Variants in DPYD observed in about 807,000 individuals in gnomAD.
The protein encoded by DPYD is dihydropyrimidine dehydrogenase [NADP(+)].
Under a neutral mutation model 116.2 loss-of-function variants are expected in DPYD, and 109 were observed. That is an observed-to-expected ratio of 0.94 (90% CI 0.80 to 1.10). DPYD has a LOEUF of 1.10. Among genes scored for constraint, DPYD ranks in the 50% least tolerant of loss-of-function variants. The probability of loss-of-function intolerance (pLI) is 0.00; values close to 1 mark genes in which losing one functional copy is unlikely to be tolerated. For missense variants in DPYD, 1,302 were observed against 1,254.5 expected, an observed-to-expected ratio of 1.04 and a Z score of -0.57; for synonymous variants, 440 against 432.0, an observed-to-expected ratio of 1.02 and a Z score of -0.23.
intron 20 of DPYD, among the ~76,000 whole-genome samples, chr1:97,123,358 A>T (rs559269274): frequency 5.3e-5 from 8 of 152,116 alleles, no homozygotes; most frequent in Non-Finnish European, 1.2e-4. Flanking sequence ...TAACTAGTTC[A>T]TTGAGACTTT....
chr1:97,100,352 C>T (rs544429202), intron 20 of DPYD, among the ~76,000 whole-genome samples: 5 of 151,950 alleles, frequency 3.3e-5, no homozygotes, highest in African/African-American at 7.2e-5. Flanking sequence ...CATAAGGTGG[C>T]GAGCACACGT....
At chr1:97,195,905 G>A (rs74104307) in intron 19 of DPYD, among the ~76,000 whole-genome samples, 4,683 of 151,110 alleles carry the variant, frequency 0.031, 235 homozygotes, top group African/African-American at 0.11. Context: ...TGTAACACTC[G>A]GCAATATACC....
chr1:97,559,987 G>C (rs1316218836), intron 11 of DPYD, among the ~76,000 whole-genome samples: 1 of 152,112 alleles, frequency 6.6e-6, no homozygotes, highest in Non-Finnish European at 1.5e-5. Flanking sequence ...ATTGAGATAA[G>C]TTACCAAGGT....
chr1:97,711,510 A>G (rs1662282847), intron 5 of DPYD, among the ~76,000 whole-genome samples: 1 of 151,974 alleles, frequency 6.6e-6, no homozygotes, highest in Non-Finnish European at 1.5e-5. Flanking sequence ...AAAGTCAAAA[A>G]ATCCTAAGTT....
intron 14 of DPYD, among the ~76,000 whole-genome samples, chr1:97,399,562 T>G (rs994003939): frequency 5.9e-5 from 9 of 151,830 alleles, no homozygotes; most frequent in Non-Finnish European, 1.2e-4. Context: ...TCACGATATT[T>G]ATTCTTCCTG....
At chr1:97,200,079 CCT>C (rs765024670) in intron 19 of DPYD, among the ~76,000 whole-genome samples, 4 of 152,056 alleles carry the variant, frequency 2.6e-5, no homozygotes, top group Non-Finnish European at 4.4e-5. Flanking sequence ...GCAGGAACAC[CCT>C]GAGACTGGCA....
intron 19 of DPYD, among the ~76,000 whole-genome samples, chr1:97,206,689 A>ATATATATAT (rs1659654169): frequency 2.3e-5 from 2 of 85,604 alleles, no homozygotes; most frequent in Non-Finnish European, 5.5e-5. Context: ...TATATATATA[A>ATATATATAT]TCTATATGCT....
At chr1:97,116,648 G>T (rs1027421337) in intron 20 of DPYD, among the ~76,000 whole-genome samples, 2 of 151,748 alleles carry the variant, frequency 1.3e-5, no homozygotes, top group Non-Finnish European at 1.5e-5. Flanking sequence ...CCCCAGCCTG[G>T]GCAGCAGAGG....
chr1:97,678,798 T>C (rs1033107496), intron 8 of DPYD, among the ~76,000 whole-genome samples: 2 of 152,150 alleles, frequency 1.3e-5, no homozygotes, highest in African/African-American at 4.8e-5. Context: ...AGATTCTGAG[T>C]TTCTGGTGGT....
intron 8 of DPYD, among the ~76,000 whole-genome samples, chr1:97,658,584 AAATAATAATTAATTACTTC>A: frequency 6.6e-6 from 1 of 152,230 alleles, no homozygotes; most frequent in Non-Finnish European, 1.5e-5. Context: ...ATTTAGACTT[AAATAATAATTAATTACTTC>A]AGCATTTGCC....
At chr1:97,101,988 A>T (rs1650724203) in intron 20 of DPYD, among the ~76,000 whole-genome samples, 1 of 152,046 alleles carries the variant, frequency 6.6e-6, no homozygotes, top group African/African-American at 2.4e-5. Flanking sequence ...CCAGATATAA[A>T]AAAAGCATTA....
chr1:97,230,864 T>C (rs1005324838), intron 19 of DPYD, among the ~76,000 whole-genome samples: 2 of 152,174 alleles, frequency 1.3e-5, no homozygotes, highest in African/African-American at 4.8e-5. Flanking sequence ...GCAAAGGTCT[T>C]GCCCCAGGAC....
At chr1:97,401,751 AATTTTAT>A (rs1305392700) in intron 14 of DPYD, among the ~76,000 whole-genome samples, 3 of 152,026 alleles carry the variant, frequency 2.0e-5, no homozygotes, top group African/African-American at 7.2e-5. Flanking sequence ...ATCTTGTAGG[AATTTTAT>A]ATTTTTGTGC....
At chr1:97,831,118 T>C (rs901895364) in intron 2 of DPYD, among the ~76,000 whole-genome samples, 1 of 152,236 alleles carries the variant, frequency 6.6e-6, no homozygotes, top group Non-Finnish European at 1.5e-5. Flanking sequence ...TACTTCTGTA[T>C]ACAGAAATTG....
At chr1:97,112,749 G>C (rs1173922806) in intron 20 of DPYD, among the ~76,000 whole-genome samples, 5 of 152,068 alleles carry the variant, frequency 3.3e-5, no homozygotes, top group Admixed American at 3.3e-4. Context: ...ACATGAAAAA[G>C]AAATTAAAAC....
At chr1:97,687,883 C>A (rs528145436) in intron 7 of DPYD, among the ~76,000 whole-genome samples, 2 of 152,034 alleles carry the variant, frequency 1.3e-5, no homozygotes, top group Non-Finnish European at 2.9e-5. Context: ...AAATGGAAAA[C>A]CAAACACTGC....
chr1:97,315,795 GT>G (rs1667795170), intron 16 of DPYD, among the ~76,000 whole-genome samples: 2 of 151,910 alleles, frequency 1.3e-5, no homozygotes, highest in Non-Finnish European at 1.5e-5. Flanking sequence ...GTTAAGCCTT[GT>G]TGGTGACCTA....
rs1308355219 is a variant in DPYD at position 97,679,185 on chromosome 1, A to G, written c.763-3T>C. The G allele has an allele frequency of 4.7e-6, 7 of 1,490,614 alleles. No homozygotes were observed. Among genetic ancestry groups the G allele is most frequent in the African/African-American group, 2.8e-5 (2 of 72,294 alleles). The allele number at this position is 1,490,614 out of a possible 1,614,324, so 92.3% of individuals were successfully genotyped here. On this transcript the variant is annotated splice_region_variant and splice_polypyrimidine_tract_variant and intron_variant, in intron 7 of 22. Transcript: ENST00000370192. ...GAAAGGCTTTTACCGCAAATTATCTATAAGAAACAATATTTTGCATAAGAA... is the reference window on the plus strand; with the variant it reads ...GAAAGGCTTTTACCGCAAATTATCTGTAAGAAACAATATTTTGCATAAGAA...
At chr1:97,449,765 A>G (rs1291786392) in intron 14 of DPYD, among the ~76,000 whole-genome samples, 1 of 152,202 alleles carries the variant, frequency 6.6e-6, no homozygotes, top group African/African-American at 2.4e-5. Flanking sequence ...CCAGCCACAT[A>G]CAGTGAAAAC....
Sources: gnomAD v4.1 joint callset for allele counts (sites outside exome capture counted in the v4.1 genomes callset) on GRCh38, gnomAD v4.1.1 for gene constraint, MANE v1.5 for transcripts, NCBI Gene and HGNC (gene_info 2026-07-23, HGNC 2026-07-21) for gene names.